Variants in RALYL observed in about 807,000 individuals in gnomAD.
The protein encoded by RALYL is RNA-binding Raly-like protein.
Under a neutral mutation model 35.1 loss-of-function variants are expected in RALYL, and 29 were observed. That is an observed-to-expected ratio of 0.83 (90% confidence interval 0.61 to 1.13). RALYL has a LOEUF of 1.13. Among genes scored for constraint, RALYL ranks in the 50% most tolerant of loss-of-function variants. RALYL has a pLI of 0.00. For synonymous variants in RALYL, 120 were observed against 127.6 expected (o/e 0.94, Z 0.40); for missense variants, 359 against 360.4 (o/e 1.00, Z 0.03).
chr8:84,531,078 G>T (rs1252712219), intron 2 of RALYL, among the ~76,000 whole-genome samples: 1 of 151,994 alleles, frequency 6.6e-6, no homozygotes, highest in East Asian at 1.9e-4. Context: ...TTCTATTACT[G>T]TGTGTTAATT....
chr8:84,262,074 G>T (rs1229657973), intron 1 of RALYL, among the ~76,000 whole-genome samples: 1 of 152,048 alleles, frequency 6.6e-6, no homozygotes, highest in Non-Finnish European at 1.5e-5. Context: ...AATAAATTCA[G>T]CTCTGTTCTG....
chr8:84,244,504 C>T (rs893463274), intron 1 of RALYL, among the ~76,000 whole-genome samples: 1 of 152,174 alleles, frequency 6.6e-6, no homozygotes, highest in African/African-American at 2.4e-5. Context: ...TTCCAGTTTT[C>T]AATGTCACTT....
chr8:84,654,275 A>ATATG (rs1829475874), intron 2 of RALYL, among the ~76,000 whole-genome samples: 1 of 68,700 alleles, frequency 1.5e-5, no homozygotes, highest in Non-Finnish European at 2.6e-5. Flanking sequence ...TGTTCCATAT[A>ATATG]TATATATATA....
chr8:84,623,910 C>T (rs1018548579), intron 2 of RALYL, among the ~76,000 whole-genome samples: 8 of 152,126 alleles, frequency 5.3e-5, no homozygotes, highest in African/African-American at 1.9e-4. Context: ...GAAAGTCTGA[C>T]CATCCTAGGT....
At chr8:84,697,215 A>C (rs1244414628) in intron 2 of RALYL, among the ~76,000 whole-genome samples, 1 of 152,098 alleles carries the variant, frequency 6.6e-6, no homozygotes, top group Non-Finnish European at 1.5e-5. Flanking sequence ...AAATATGCTG[A>C]ATATGATCCA....
At chr8:84,566,861 A>G (rs2135700344) in intron 2 of RALYL, among the ~76,000 whole-genome samples, 1 of 151,846 alleles carries the variant, frequency 6.6e-6, no homozygotes, top group East Asian at 1.9e-4. Flanking sequence ...TTTTTAAATT[A>G]CAGAATTATG....
chr8:84,747,571 C>T (rs1016833911), intron 2 of RALYL, among the ~76,000 whole-genome samples: 5 of 151,872 alleles, frequency 3.3e-5, no homozygotes, highest in African/African-American at 1.2e-4. Flanking sequence ...AAAGTGCAGA[C>T]AAGCCTAGCA....
chr8:84,407,082 ACAC>A (rs1375783715), intron 1 of RALYL, among the ~76,000 whole-genome samples: 2 of 151,468 alleles, frequency 1.3e-5, no homozygotes, highest in African/African-American at 2.4e-5. Flanking sequence ...ACACACACAC[ACAC>A]AAGAATATAT....
chr8:84,689,975 G>A (rs181911070), intron 2 of RALYL, among the ~76,000 whole-genome samples: 5 of 152,206 alleles, frequency 3.3e-5, no homozygotes, highest in East Asian at 3.9e-4. Flanking sequence ...CAGTATTGAG[G>A]TTCCTCAAAA....
chr8:84,808,442 C>T (rs1161673795), intron 4 of RALYL, among the ~76,000 whole-genome samples: 1 of 152,104 alleles, frequency 6.6e-6, no homozygotes, highest in Non-Finnish European at 1.5e-5. Flanking sequence ...TAGTGTGATG[C>T]CTCCAGATTT....
rs16912700 is a variant in RALYL at position 84,332,993 on chromosome 8, C to T, written c.-24+148569C>T. Among the ~76,000 whole-genome samples the T allele has an allele frequency of 7.8e-3, 1,182 of 152,254 alleles. 20 individuals carry two copies. The highest frequency in any genetic ancestry group is 0.027 in the African/African-American group (1,132 of 41,552). On this transcript the variant is annotated intron_variant, in intron 1 of 8. Coordinates refer to ENST00000521268, the MANE Select transcript of RALYL (RefSeq NM_173848.7). ...CAGGCCTTACTCTAGTACATTCCTA[C>T]GCTAACGAAGAGAATTTCCAGTATA... is the stretch of plus-strand genomic sequence containing the variant.
At chr8:84,448,485 T>A (rs772760167) in intron 1 of RALYL, among the ~76,000 whole-genome samples, 22 of 151,968 alleles carry the variant, frequency 1.4e-4, no homozygotes, top group Non-Finnish European at 2.9e-4. Context: ...CCCGCCCCCA[T>A]ATAGTGCACC....
chr8:84,638,363 A>G (rs2131333513), intron 2 of RALYL, among the ~76,000 whole-genome samples: 1 of 152,058 alleles, frequency 6.6e-6, no homozygotes, highest in Non-Finnish European at 1.5e-5. Context: ...AGTCTGAAAG[A>G]GCACAAATGG....
At chr8:84,626,303 T>C (rs1352043038) in intron 2 of RALYL, among the ~76,000 whole-genome samples, 1 of 152,182 alleles carries the variant, frequency 6.6e-6, no homozygotes, top group Non-Finnish European at 1.5e-5. Context: ...GCCTGCATTG[T>C]GCGAATTCCG....
At chr8:84,617,293 C>G (rs972704396) in intron 2 of RALYL, among the ~76,000 whole-genome samples, 6 of 151,636 alleles carry the variant, frequency 4.0e-5, no homozygotes, top group African/African-American at 7.3e-5. Flanking sequence ...AGTTCTCCTG[C>G]AAGAGGTCCT....
chr8:84,887,592 T>TC lies in RALYL; in HGVS notation c.686-3dup, dbSNP rs10712255. The TC allele has an allele frequency of 0.012, 19,327 of 1,566,124 alleles. 88 individuals carry two copies. Among genetic ancestry groups the TC allele is most frequent in the Admixed American group, 0.052 (2,822 of 54,174 alleles). On this transcript the variant is annotated splice_polypyrimidine_tract_variant and intron_variant, in intron 7 of 8. Coordinates refer to ENST00000521268, the MANE Select transcript of RALYL (RefSeq NM_173848.7). ...CCCAAGGTAGTAGTCATTTGCTTTC[T>TC]CCCCCCCCCAGAAGCTCAGAAGAAG...
chr8:84,495,363 A>T (rs2055884349), intron 1 of RALYL, among the ~76,000 whole-genome samples: 1 of 152,062 alleles, frequency 6.6e-6, no homozygotes. Flanking sequence ...GAGGGCGTAA[A>T]ATACTTTGAG....
chr8:84,650,071 G>C (rs1176812035), intron 2 of RALYL, among the ~76,000 whole-genome samples: 1 of 151,948 alleles, frequency 6.6e-6, no homozygotes, highest in Non-Finnish European at 1.5e-5. Context: ...CTCATGATTT[G>C]GCTCTCTGTT....
At chr8:84,904,623 G>A (rs950168107) in intron 8 of RALYL, among the ~76,000 whole-genome samples, 7 of 151,994 alleles carry the variant, frequency 4.6e-5, no homozygotes, top group East Asian at 1.9e-4. Context: ...AATAGTTCAC[G>A]GGTTGTCTAG....
Sources: allele counts gnomAD v4.1 joint callset (sites outside exome capture counted in the v4.1 genomes callset), GRCh38; gene constraint gnomAD v4.1.1; transcripts MANE v1.5; gene names NCBI Gene and HGNC (gene_info 2026-07-23, HGNC 2026-07-21).